The following ADAMTSL1 variants were observed in gnomAD, a reference collection of about 807,000 sequenced individuals.
ADAMTSL1 encodes ADAMTS-like protein 1.
A neutral mutation model predicts 201.8 loss-of-function variants in ADAMTSL1; 126 were observed. That is an observed-to-expected ratio of 0.62 (90% CI 0.54 to 0.72). ADAMTSL1 has a LOEUF of 0.72. ADAMTSL1 is among the 30% of genes least tolerant of loss of function. ADAMTSL1 has a pLI of 0.00. For missense variants in ADAMTSL1, 2,679 were observed against 2,277.8 expected (o/e 1.18, Z -3.59); for synonymous variants, 1,121 against 903.4 (o/e 1.24, Z -4.32).
intron 19 of ADAMTSL1, among the ~76,000 whole-genome samples, chr9:18,788,372 AT>A (rs1396587933): frequency 6.6e-6 from 1 of 151,422 alleles, no homozygotes; most frequent in Non-Finnish European, 1.5e-5. Context: ...CTTGACGTTA[AT>A]TACCCCCCCG....
chr9:18,254,348 T>TG, intron 2 of ADAMTSL1, among the ~76,000 whole-genome samples: 1 of 24,908 alleles, frequency 4.0e-5, no homozygotes, highest in African/African-American at 2.7e-4. Context: ...CTTTTTGGTT[T>TG]TTTTTTTTTT....
At chr9:18,750,216 A>C (rs71506901) in intron 15 of ADAMTSL1, among the ~76,000 whole-genome samples, 1 of 152,122 alleles carries the variant, frequency 6.6e-6, no homozygotes. Context: ...GTGACTTTTC[A>C]TAAAATGGAC....
chr9:17,936,550 G>C (rs957423981), intron 1 of ADAMTSL1, among the ~76,000 whole-genome samples: 2 of 152,188 alleles, frequency 1.3e-5, no homozygotes, highest in East Asian at 3.9e-4. Flanking sequence ...GTCCTTTCCA[G>C]CTCTAACAAT....
At chr9:18,016,651 G>A (rs1382059675) in intron 1 of ADAMTSL1, among the ~76,000 whole-genome samples, 1 of 152,010 alleles carries the variant, frequency 6.6e-6, no homozygotes, top group Admixed American at 6.6e-5. Flanking sequence ...TAGTCCAGAA[G>A]AAAGAGACTC....
rs1830554113 is a variant in ADAMTSL1, at chr9:18,910,722, C to G, written c.*2174C>G. The G allele has an allele frequency of 6.6e-6, 1 of 152,210 alleles. No homozygotes were observed. Among genetic ancestry groups the G allele is most frequent in the East Asian group, 1.9e-4 (1 of 5,196 alleles). The allele number at this position is 152,210 out of a possible 1,614,324, so 9.4% of individuals were successfully genotyped here. ...CCTCCAGCTCCATGTTGGGTTGGAG[C>G]AGTTGGCAGTGGGTCTCAGTGAGCT... On this transcript the variant is annotated 3_prime_UTR_variant, in exon 29 of 29. Coordinates refer to ENST00000380548, the MANE Select transcript of ADAMTSL1 (RefSeq NM_001040272.6).
chr9:18,156,640 A>G (rs528327681), intron 1 of ADAMTSL1, among the ~76,000 whole-genome samples: 1 of 57,620 alleles, frequency 1.7e-5, no homozygotes, highest in Admixed American at 1.6e-4. Context: ...AAACACATAC[A>G]CACACACACA....
chr9:18,484,920 A>G (rs1821909529), intron 1 of ADAMTSL1, among the ~76,000 whole-genome samples: 1 of 152,200 alleles, frequency 6.6e-6, no homozygotes, highest in African/African-American at 2.4e-5. Context: ...ACAAGTTTCT[A>G]ATTTTTTGTA....
chr9:18,304,516 A>C (rs1026470174), intron 2 of ADAMTSL1, among the ~76,000 whole-genome samples: 5 of 152,106 alleles, frequency 3.3e-5, no homozygotes, highest in African/African-American at 1.2e-4. Flanking sequence ...TAGTGGAGCA[A>C]AGGATTTTCT....
intron 13 of ADAMTSL1, among the ~76,000 whole-genome samples, chr9:18,703,324 G>A (rs1340979867): frequency 6.6e-6 from 1 of 152,006 alleles, no homozygotes; most frequent in African/African-American, 2.4e-5. Flanking sequence ...TACAGAGCTG[G>A]GAGATCTAGG....
At position 18,012,110 on chromosome 9, in the gene ADAMTSL1, G is replaced by T. The variant is rs1038596105; in HGVS notation, c.87+105188G>T. Among the ~76,000 whole-genome samples, 3 of 152,054 alleles carry T rather than the reference G, an allele frequency of 2.0e-5. No individual in the cohort carries two copies. The South Asian group carries it at 6.2e-4, about 31-fold the overall frequency. On this transcript the variant is annotated intron_variant, in intron 1 of 29. Coordinates refer to the ADAMTSL1 transcript ENST00000680146. ...GGTCCAGGGGTTGCAGGTGCTCTTTGTGGGGTTACATTCATAAAAACTTGT... is the reference window on the plus strand; with the variant it reads ...GGTCCAGGGGTTGCAGGTGCTCTTTTTGGGGTTACATTCATAAAAACTTGT...
Position 17,949,398 on chromosome 9 carries a change from C to G in ADAMTSL1, c.87+42476C>G, listed in dbSNP as rs536161353. ...GCAGGTCAGTTGGTCAGAGGAAAGA[C>G]AAATTAGGTTATCTCCACTATTAAG... On this transcript the variant is annotated intron_variant, in intron 1 of 29. Coordinates refer to the ADAMTSL1 transcript ENST00000680146. 2.6e-5 allele frequency among the ~76,000 whole-genome samples: 4 copies of G among 152,210 alleles called. No homozygotes were observed. In the East Asian group the frequency reaches 5.8e-4, roughly 22 times the overall value.
intron 2 of ADAMTSL1, among the ~76,000 whole-genome samples, chr9:18,246,948 A>G (rs527836617): frequency 2.0e-5 from 3 of 152,276 alleles, no homozygotes; most frequent in East Asian, 1.9e-4. Context: ...CTAAAGCTCA[A>G]TTCAGGAACT....
intron 14 of ADAMTSL1, among the ~76,000 whole-genome samples, chr9:18,715,959 A>C (rs12115542): frequency 0.07 from 10,513 of 149,158 alleles, 875 homozygotes; most frequent in African/African-American, 0.2. Flanking sequence ...TGATCTTTGA[A>C]AAACCTGAGA....
chr9:18,622,474 G>A (rs1826100696), intron 5 of ADAMTSL1, 105 bp downstream of exon 5: 5 of 1,512,622 alleles, frequency 3.3e-6, no homozygotes, highest in Middle Eastern at 1.7e-4. Flanking sequence ...CCACCAAAAC[G>A]ATAATGAACC....
At chr9:18,443,435 C>A (rs1486304185) in intron 2 of ADAMTSL1, among the ~76,000 whole-genome samples, 1 of 152,190 alleles carries the variant, frequency 6.6e-6, no homozygotes, top group Non-Finnish European at 1.5e-5. Context: ...ACTGAACCTT[C>A]TCAGTAAGCC....
intron 1 of ADAMTSL1, among the ~76,000 whole-genome samples, chr9:18,085,558 T>A (rs962294171): frequency 2.0e-4 from 25 of 122,412 alleles, no homozygotes; most frequent in African/African-American, 7.5e-4. Flanking sequence ...ACATACACAC[T>A]GTGTGTATAC....
intron 1 of ADAMTSL1, among the ~76,000 whole-genome samples, chr9:17,926,241 A>G (rs1052146905): frequency 6.6e-6 from 1 of 152,216 alleles, no homozygotes; most frequent in Non-Finnish European, 1.5e-5. Flanking sequence ...ATTATTAAAG[A>G]GTGCTTATTT....
At chr9:18,355,972 G>A (rs1160828680) in intron 2 of ADAMTSL1, among the ~76,000 whole-genome samples, 1 of 152,280 alleles carries the variant, frequency 6.6e-6, no homozygotes, top group African/African-American at 2.4e-5. Flanking sequence ...GCTACCTGCT[G>A]CAGGAGATGG....
intron 2 of ADAMTSL1, among the ~76,000 whole-genome samples, chr9:18,525,185 C>T (rs1285895298): frequency 6.6e-6 from 1 of 152,058 alleles, no homozygotes; most frequent in Non-Finnish European, 1.5e-5. Context: ...TGTATGTGTC[C>T]AGGAATTTAT....
Sources: allele counts gnomAD v4.1 joint callset (sites outside exome capture counted in the v4.1 genomes callset), GRCh38; gene constraint gnomAD v4.1.1; transcripts MANE v1.5; gene names NCBI Gene and HGNC (gene_info 2026-07-23, HGNC 2026-07-21).